PRKG1: variants seen among roughly 807,000 people sequenced by gnomAD.
The protein encoded by PRKG1 is cGMP-dependent protein kinase 1.
PRKG1 carries 35 observed loss-of-function variants against 88.1 expected under a neutral mutation model. The ratio of observed to expected loss-of-function variants is 0.40; its 90% CI spans 0.30 to 0.53. The LOEUF is 0.53. Among genes scored for constraint, PRKG1 ranks in the 20% least tolerant of loss-of-function variants. The pLI is 0.59. For synonymous variants in PRKG1, 303 were observed against 292.5 expected, an observed-to-expected ratio of 1.04 and a Z score of -0.37; for missense variants, 540 against 839.8, an observed-to-expected ratio of 0.64 and a Z score of 4.41.
intron 3 of PRKG1, among the ~76,000 whole-genome samples, chr10:51,744,309 A>G (rs1837522302): frequency 1.3e-5 from 2 of 152,286 alleles, no homozygotes; most frequent in South Asian, 4.1e-4. Flanking sequence ...CCAAAGCAGA[A>G]GAGCTGGGAC....
chr10:51,838,445 A>G (rs763718268), intron 4 of PRKG1, among the ~76,000 whole-genome samples: 8 of 152,216 alleles, frequency 5.3e-5, no homozygotes, highest in African/African-American at 1.9e-4. Flanking sequence ...ATGAAGCCCT[A>G]TAAAACCTCT....
chr10:51,019,221 G>A (rs1843103662), intron 1 of PRKG1, among the ~76,000 whole-genome samples: 1 of 152,176 alleles, frequency 6.6e-6, no homozygotes, highest in African/African-American at 2.4e-5. Flanking sequence ...ATTATAGTAT[G>A]AGCTTGTAAT....
intron 7 of PRKG1, among the ~76,000 whole-genome samples, chr10:52,130,350 G>A (rs776429060): frequency 3.9e-5 from 6 of 151,964 alleles, no homozygotes; most frequent in Non-Finnish European, 8.8e-5. Context: ...TCTTTTTGTT[G>A]CATGGAAATT....
At chr10:52,111,325 T>C (rs1847559220) in intron 7 of PRKG1, among the ~76,000 whole-genome samples, 1 of 152,212 alleles carries the variant, frequency 6.6e-6, no homozygotes. Flanking sequence ...TACACAAAAA[T>C]GTCAGCTATT....
intron 5 of PRKG1, among the ~76,000 whole-genome samples, chr10:51,930,537 T>A (rs1023088446): frequency 7.1e-6 from 1 of 141,794 alleles, no homozygotes; most frequent in Non-Finnish European, 1.5e-5. Flanking sequence ...CTCGTTCAGG[T>A]TACAGTTCAG....
At chr10:52,132,039 TACTC>T (rs1432108915) in intron 7 of PRKG1, among the ~76,000 whole-genome samples, 1 of 151,814 alleles carries the variant, frequency 6.6e-6, no homozygotes, top group Non-Finnish European at 1.5e-5. Flanking sequence ...AAAGGAAAGT[TACTC>T]ATAAGAAAAA....
chr10:51,128,402 T>G (rs189342179), intron 1 of PRKG1, among the ~76,000 whole-genome samples: 38 of 152,358 alleles, frequency 2.5e-4, no homozygotes, highest in East Asian at 1.7e-3. Flanking sequence ...TATTTTTGTG[T>G]GGGACATTAA....
intron 2 of PRKG1, among the ~76,000 whole-genome samples, chr10:51,214,699 AACC>A (rs1226183362): frequency 2.0e-5 from 3 of 152,004 alleles, no homozygotes; most frequent in African/African-American, 4.8e-5. Context: ...TCTGATCTCA[AACC>A]GCTGAGCTCA....
At chr10:51,819,161 C>G (rs556422793) in intron 4 of PRKG1, among the ~76,000 whole-genome samples, 2 of 151,958 alleles carry the variant, frequency 1.3e-5, no homozygotes, top group South Asian at 4.2e-4. Context: ...CAGGATGCTT[C>G]CCCTCGTGGT....
intron 3 of PRKG1, among the ~76,000 whole-genome samples, chr10:51,507,111 T>C (rs1232606178): frequency 7.6e-6 from 1 of 130,724 alleles, no homozygotes; most frequent in East Asian, 2.3e-4. Flanking sequence ...TGAGAACACA[T>C]GAAGACAGGA....
At chr10:52,270,779 GTTAA>G (rs1415705933) in intron 10 of PRKG1, among the ~76,000 whole-genome samples, 1 of 151,380 alleles carries the variant, frequency 6.6e-6, no homozygotes, top group Non-Finnish European at 1.5e-5. Flanking sequence ...TAAATGACAA[GTTAA>G]TGGGTGCAGC....
intron 1 of PRKG1, among the ~76,000 whole-genome samples, chr10:51,081,100 A>T (rs1205491002): frequency 6.6e-6 from 1 of 152,166 alleles, no homozygotes; most frequent in Non-Finnish European, 1.5e-5. Flanking sequence ...TTCATTGCTT[A>T]TAAAATTCAT....
chr10:51,888,908 A>G (rs953330412), intron 4 of PRKG1, among the ~76,000 whole-genome samples: 1 of 152,198 alleles, frequency 6.6e-6, no homozygotes, highest in African/African-American at 2.4e-5. Flanking sequence ...AGACTCAGAG[A>G]GGTAAATTAA....
intron 4 of PRKG1, among the ~76,000 whole-genome samples, chr10:51,818,251 G>T (rs1334809430): frequency 6.6e-6 from 1 of 152,062 alleles, no homozygotes; most frequent in Non-Finnish European, 1.5e-5. Flanking sequence ...AATTTATTTA[G>T]CCTACATTAA....
intron 3 of PRKG1, among the ~76,000 whole-genome samples, chr10:51,491,850 G>T (rs1191272342): frequency 6.6e-6 from 1 of 151,996 alleles, no homozygotes; most frequent in Non-Finnish European, 1.5e-5. Flanking sequence ...TTTGCAATTT[G>T]GTCTTTATAT....
At chr10:51,996,667 C>G (rs74763235) in intron 5 of PRKG1, among the ~76,000 whole-genome samples, 1 of 151,948 alleles carries the variant, frequency 6.6e-6, no homozygotes, top group Non-Finnish European at 1.5e-5. Context: ...AAAAGGGAAC[C>G]CTTGGACACT....
At position 52,224,838 on chromosome 10, in the gene PRKG1, T is replaced by TATAC. The variant is rs1172536011; in HGVS notation, c.1077-26731_1077-26730insTACA. On this transcript the variant is annotated intron_variant, in intron 9 of 17. Coordinates refer to ENST00000373980, the MANE Select transcript of PRKG1 (RefSeq NM_006258.4). ...ATATATATATATATATATATATATATACATACATACATACATATCTCACAG... is the reference window on the plus strand; with the variant it reads ...ATATATATATATATATATATATATATATACACATACATACATACATATCTCACAG... Among the ~76,000 whole-genome samples the TATAC allele has an allele frequency of 3.0e-4, 41 of 135,852 alleles. 1 individual carries two copies. The highest frequency in any genetic ancestry group is 1.2e-3 in the African/African-American group (40 of 34,548). 89.1% of individuals were successfully genotyped at this position (135,852 alleles called of 152,430 possible).
intron 3 of PRKG1, among the ~76,000 whole-genome samples, chr10:51,623,353 G>A (rs554713313): frequency 6.6e-6 from 1 of 152,182 alleles, no homozygotes; most frequent in East Asian, 1.9e-4. Flanking sequence ...GGCATGTGCC[G>A]CCATGACTGG....
intron 1 of PRKG1, among the ~76,000 whole-genome samples, chr10:51,113,168 A>G (rs1845018956): frequency 6.6e-6 from 1 of 152,316 alleles, no homozygotes; most frequent in Non-Finnish European, 1.5e-5. Context: ...TTAGCTTTGT[A>G]GTAAAATAGA....
Sources: allele counts gnomAD v4.1 joint callset (sites outside exome capture counted in the v4.1 genomes callset), GRCh38; gene constraint gnomAD v4.1.1; transcripts MANE v1.5; gene names NCBI Gene and HGNC (gene_info 2026-07-23, HGNC 2026-07-21).